Variants in CFAP300 observed in about 807,000 individuals in gnomAD.
The protein encoded by CFAP300 is cilia and flagella associated protein 300, also known as cilia- and flagella-associated protein 300.
Under a neutral mutation model 33.0 loss-of-function variants are expected in CFAP300, and 32 were observed. The ratio of observed to expected loss-of-function variants is 0.97; its 90% CI spans 0.73 to 1.30. The LOEUF is 1.30. Among genes scored for constraint, CFAP300 ranks in the 50% most tolerant of loss-of-function variants. The probability of loss-of-function intolerance (pLI) is 0.00; values close to 1 mark genes in which losing one functional copy is unlikely to be tolerated. For missense variants in CFAP300, 356 were observed against 318.1 expected (o/e 1.12, Z -0.90); for synonymous variants, 102 against 106.8 (o/e 0.95, Z 0.28).
At chr11:102,068,590 C>G (rs1368744353) in intron 4 of CFAP300, among the ~76,000 whole-genome samples, 1 of 152,124 alleles carries the variant, frequency 6.6e-6, no homozygotes, top group Admixed American at 6.6e-5. Flanking sequence ...AGTTCGAGAC[C>G]AGTCTAGCCA....
chr11:102,076,744 TA>T (rs1402866274), intron 5 of CFAP300, among the ~76,000 whole-genome samples: 1 of 152,210 alleles, frequency 6.6e-6, no homozygotes, highest in African/African-American at 2.4e-5. Context: ...ATTGGACTCA[TA>T]ATTGTTACTT....
At chr11:102,058,681 G>T (rs904058721) in intron 2 of CFAP300, among the ~76,000 whole-genome samples, 199 bp from the exon 3 acceptor site, 1 of 150,886 alleles carries the variant, frequency 6.6e-6, no homozygotes, top group African/African-American at 2.4e-5. Flanking sequence ...TCTGTACTTG[G>T]ACACACAATG....
intron 4 of CFAP300, among the ~76,000 whole-genome samples, chr11:102,071,895 C>T (rs1194375241): frequency 1.3e-5 from 2 of 152,016 alleles, no homozygotes; most frequent in Non-Finnish European, 2.9e-5. Flanking sequence ...AATTCTCTTT[C>T]TCTTGCTGTT....
Position 102,075,973 on chromosome 11 carries a change from C to A in CFAP300, c.536C>A (p.Ala179Asp), listed in dbSNP as rs1329691314. The A allele has an allele frequency of 6.2e-7, 1 of 1,613,824 alleles. No individual in the cohort carries two copies. Among genetic ancestry groups the A allele is most frequent in the South Asian group, 1.1e-5 (1 of 91,062 alleles). The change falls in exon 5 of 7, where the codon GCC becomes GAC. Residue 179 changes from alanine (A) to aspartate (D), a missense_variant. Coordinates refer to ENST00000434758, the MANE Select transcript of CFAP300 (RefSeq NM_032930.3). Reference protein sequence around the residue: ...CLFKHLCLGGALCQYEDVISP... With the variant: ...CLFKHLCLGGDLCQYEDVISP... ...TTCAAACATCTTTGCCTTGGTGGAG[C>A]CCTTTGTCAATATGAGGATGTGATT...
rs561779599 is a variant in CFAP300, at chr11:102,055,361, C to CTTTTTTTT, written c.193-3513_193-3506dup. Among the ~76,000 whole-genome samples, 14 of 113,514 alleles carry CTTTTTTTT rather than the reference C, an allele frequency of 1.2e-4. 1 individual carries two copies. Among genetic ancestry groups the CTTTTTTTT allele is most frequent in the Non-Finnish European group, 2.2e-4 (13 of 59,120 alleles). 74.5% of individuals were successfully genotyped at this position (113,514 alleles called of 152,430 possible). Reference sequence around the variant, plus strand: ...ATTTTGTTTTACCACATGCGTTACTCTTTTTTTTTTTTTGAGATAGGGTCT... The same window carrying CTTTTTTTT: ...ATTTTGTTTTACCACATGCGTTACTCTTTTTTTTTTTTTTTTTTTTTGAGATAGGGTCT... On this transcript the variant is annotated intron_variant, in intron 2 of 6. Transcript: ENST00000434758.
At chr11:102,063,532 G>C (rs1227071108) in intron 3 of CFAP300, among the ~76,000 whole-genome samples, 2 of 152,172 alleles carry the variant, frequency 1.3e-5, no homozygotes, top group Non-Finnish European at 2.9e-5. Context: ...ACTGGAATGA[G>C]TGAAAATTTT....
At chr11:102,071,508 TTTG>T in intron 4 of CFAP300, among the ~76,000 whole-genome samples, 1 of 152,292 alleles carries the variant, frequency 6.6e-6, no homozygotes, top group Admixed American at 6.5e-5. Context: ...TTGTATATCT[TTTG>T]TTCCTTTTTC....
intron 3 of CFAP300, among the ~76,000 whole-genome samples, chr11:102,064,923 T>C (rs1341061847): frequency 6.6e-6 from 1 of 152,042 alleles, no homozygotes; most frequent in African/African-American, 2.4e-5. Context: ...AAGTGTGGGA[T>C]AGGGAATGGA....
At chr11:102,069,735 G>A (rs756949804) in intron 4 of CFAP300, among the ~76,000 whole-genome samples, 16 of 152,090 alleles carry the variant, frequency 1.1e-4, no homozygotes, top group Non-Finnish European at 2.2e-4. Context: ...CCCAGGAGGC[G>A]GAGGTTGCAA....
At position 102,083,156 on chromosome 11, in the gene CFAP300, T is replaced by G; in HGVS notation, c.761T>G (p.Leu254Arg). The G allele has an allele frequency of 6.4e-7, 1 of 1,562,970 alleles. No individual in the cohort carries two copies. Among genetic ancestry groups the G allele is most frequent in the Non-Finnish European group, 8.7e-7 (1 of 1,152,074 alleles). ...ATTGTGGATCCTATCAGGCGTCACC[T>G]TCATGTTTTATACCACTGTTATGGT... ...YFIVDPIRRH[L>R]HVLYHCYGVG... The change falls in exon 7 of 7, where the codon CTT becomes CGT. Residue 254 changes from leucine to arginine, a missense_variant. Coordinates refer to ENST00000434758, the MANE Select transcript of CFAP300 (RefSeq NM_032930.3).
At chr11:102,073,734 GC>G (rs1942352676) in intron 4 of CFAP300, among the ~76,000 whole-genome samples, 1 of 152,058 alleles carries the variant, frequency 6.6e-6, no homozygotes, top group Admixed American at 6.5e-5. Flanking sequence ...AGCAACAGTG[GC>G]CATGGCAGTA....
At chr11:102,066,184 A>G (rs1405283426) in intron 3 of CFAP300, among the ~76,000 whole-genome samples, 3 of 152,044 alleles carry the variant, frequency 2.0e-5, no homozygotes, top group Admixed American at 1.3e-4. Context: ...CATATTGGCC[A>G]GGCTAGTCTC....
At chr11:102,048,892 G>A (rs1169104740) in intron 2 of CFAP300, among the ~76,000 whole-genome samples, 4 of 151,596 alleles carry the variant, frequency 2.6e-5, no homozygotes, top group Non-Finnish European at 5.9e-5. Flanking sequence ...TGTCCTTCAT[G>A]CATTGACTGT....
At chr11:102,056,183 A>G (rs1339917974) in intron 2 of CFAP300, among the ~76,000 whole-genome samples, 2 of 152,202 alleles carry the variant, frequency 1.3e-5, no homozygotes, top group Non-Finnish European at 2.9e-5. Flanking sequence ...TCTGTCTGAT[A>G]TAGATGGACT....
At chr11:102,075,591 A>G (rs1250288822) in intron 4 of CFAP300, among the ~76,000 whole-genome samples, 2 of 152,246 alleles carry the variant, frequency 1.3e-5, no homozygotes, top group African/African-American at 4.8e-5. Flanking sequence ...TAACACTAAA[A>G]CAATTACTAA....
At chr11:102,053,845 C>G (rs1030057164) in intron 2 of CFAP300, among the ~76,000 whole-genome samples, 1 of 152,206 alleles carries the variant, frequency 6.6e-6, no homozygotes, top group African/African-American at 2.4e-5. Context: ...CAATTTAACT[C>G]CCCAGCCTTA....
At chr11:102,058,431 C>T (rs1322642189) in intron 2 of CFAP300, among the ~76,000 whole-genome samples, 1 of 151,240 alleles carries the variant, frequency 6.6e-6, no homozygotes, top group Non-Finnish European at 1.5e-5. Flanking sequence ...CTCTTACCTG[C>T]TTTGTTGTCT....
At chr11:102,057,326 C>T (rs10895244) in intron 2 of CFAP300, among the ~76,000 whole-genome samples, 64,049 of 148,058 alleles carry the variant, frequency 0.43, 14,025 homozygotes, top group East Asian at 0.67. Context: ...GCAACAAGAG[C>T]GAAACTCCAT....
intron 3 of CFAP300, among the ~76,000 whole-genome samples, chr11:102,063,047 C>G (rs1591319395): frequency 6.6e-6 from 1 of 152,358 alleles, no homozygotes; most frequent in African/African-American, 2.4e-5. Flanking sequence ...AGGGCCACTG[C>G]CTCCATTTCA....
Sources: gnomAD v4.1 joint callset for allele counts (sites outside exome capture counted in the v4.1 genomes callset) on GRCh38, gnomAD v4.1.1 for gene constraint, MANE v1.5 for transcripts, NCBI Gene and HGNC (gene_info 2026-07-23, HGNC 2026-07-21) for gene names.